The following BAZ1A variants were observed in gnomAD, a reference collection of about 807,000 sequenced individuals.
BAZ1A encodes the protein bromodomain adjacent to zinc finger domain 1A, also known as bromodomain adjacent to zinc finger domain protein 1A.
BAZ1A carries 50 observed loss-of-function variants against 185.2 expected under a neutral mutation model. The ratio of observed to expected loss-of-function variants is 0.27; its 90% confidence interval spans 0.22 to 0.34. The LOEUF is 0.34. Among genes scored for constraint, BAZ1A ranks in the 10% least tolerant of loss-of-function variants. The probability of loss-of-function intolerance (pLI) is 1.00; values close to 1 mark genes in which losing one functional copy is unlikely to be tolerated. For synonymous variants in BAZ1A, 571 were observed against 615.6 expected, an observed-to-expected ratio of 0.93 and a Z score of 1.07; for missense variants, 1,356 against 1,839.9, an observed-to-expected ratio of 0.74 and a Z score of 4.81.
At chr14:34,756,464 C>CTTTTTTTTTTTTT (rs1343693112) in intron 25 of BAZ1A, among the ~76,000 whole-genome samples, 1 of 107,168 alleles carries the variant, frequency 9.3e-6, no homozygotes, top group African/African-American at 3.8e-5. Flanking sequence ...GCCAGAATAC[C>CTTTTTTTTTTTTT]TATTTTTTTT....
At chr14:34,844,334 T>C (rs992854439) in intron 3 of BAZ1A, among the ~76,000 whole-genome samples, 3 of 152,008 alleles carry the variant, frequency 2.0e-5, no homozygotes, top group Non-Finnish European at 2.9e-5. Flanking sequence ...GGTGAAAGAC[T>C]TGTACACTGA....
chr14:34,773,702 A>G lies in BAZ1A; in HGVS notation c.3022T>C (p.Ser1008Pro). The G allele has an allele frequency of 6.2e-7, 1 of 1,613,518 alleles. No homozygotes were observed. Among genetic ancestry groups the G allele is most frequent in the East Asian group, 2.2e-5 (1 of 44,796 alleles). ...IKVTDRHIWR[S>P]ALESGRYELL... Reference sequence around the variant, plus strand: ...TCATACCGTCCACTTTCTAATGCTGATCTCCAGATATGTCGATCTGTAACC... The same window carrying G: ...TCATACCGTCCACTTTCTAATGCTGGTCTCCAGATATGTCGATCTGTAACC... Residue 1008 changes from serine to proline, a missense_variant, in exon 20 of 27, where the codon TCA becomes CCA. Physicochemically the swap from Ser to Pro is moderately conservative, Grantham distance 74 (BLOSUM62 -1). This residue lies in a region of BAZ1A where 434 missense variants were observed against 561.7 expected (regional missense o/e 0.77). Transcript: ENST00000360310.
intron 26 of BAZ1A, among the ~76,000 whole-genome samples, chr14:34,754,458 A>G (rs1886155454): frequency 6.6e-6 from 1 of 151,914 alleles, no homozygotes; most frequent in Non-Finnish European, 1.5e-5. Flanking sequence ...AGAAAGAAAA[A>G]AGATTCTGAA....
chr14:34,849,764 C>T (rs2042569614), intron 3 of BAZ1A, among the ~76,000 whole-genome samples: 1 of 152,172 alleles, frequency 6.6e-6, no homozygotes, highest in Admixed American at 6.6e-5. Flanking sequence ...TTTTTAACTG[C>T]TGCTTATTCC....
At chr14:34,818,190 C>T (rs1044096000) in intron 4 of BAZ1A, among the ~76,000 whole-genome samples, 4 of 152,144 alleles carry the variant, frequency 2.6e-5, no homozygotes, top group Non-Finnish European at 4.4e-5. Flanking sequence ...TGCTACAATA[C>T]GGATGAACCC....
intron 3 of BAZ1A, among the ~76,000 whole-genome samples, chr14:34,847,148 G>T (rs545985579): frequency 6.6e-6 from 1 of 151,968 alleles, no homozygotes; most frequent in Non-Finnish European, 1.5e-5. Context: ...CTATTTGGGA[G>T]GCTGAGGCAC....
At chr14:34,827,569 A>C (rs2042181981) in intron 3 of BAZ1A, among the ~76,000 whole-genome samples, 1 of 151,884 alleles carries the variant, frequency 6.6e-6, no homozygotes, top group South Asian at 2.1e-4. Flanking sequence ...CCCCATCTCT[A>C]CTAAAAATAC....
chr14:34,851,857 G>A (rs2042602090), intron 3 of BAZ1A, among the ~76,000 whole-genome samples: 1 of 152,206 alleles, frequency 6.6e-6, no homozygotes, highest in African/African-American at 2.4e-5. Flanking sequence ...GCCGGGCGTG[G>A]TGGCTCATGC....
intron 4 of BAZ1A, among the ~76,000 whole-genome samples, chr14:34,811,750 T>C (rs2041933291): frequency 1.3e-5 from 2 of 152,212 alleles, no homozygotes; most frequent in African/African-American, 4.8e-5. Context: ...ATTCACTACA[T>C]TTTCTTTGGG....
intron 3 of BAZ1A, among the ~76,000 whole-genome samples, chr14:34,850,067 A>G (rs1445306874): frequency 2.0e-5 from 3 of 152,108 alleles, no homozygotes; most frequent in Non-Finnish European, 1.5e-5. Flanking sequence ...AATAGACATA[A>G]GCTATCCCTG....
At chr14:34,826,185 C>T (rs1014936595) in intron 3 of BAZ1A, 29 bp from the exon 4 acceptor site, 1 of 1,598,536 alleles carries the variant, frequency 6.3e-7, no homozygotes, top group Non-Finnish European at 8.5e-7. Context: ...TTTAAAAATG[C>T]AAATCATTTC....
rs1003176032 is a variant in BAZ1A at position 34,874,867 on chromosome 14, A to C, written c.-58-205T>G. Reference sequence around the variant, plus strand: ...CGCCCCTGCCCCCCGAGCGCGCCCTACCTCCTCTCGTCCTGCCGCCGCCTC... The same window carrying C: ...CGCCCCTGCCCCCCGAGCGCGCCCTCCCTCCTCTCGTCCTGCCGCCGCCTC... On this transcript the variant is annotated intron_variant, in intron 1 of 26. Transcript: ENST00000360310. The surrounding 1 kb of genome is among the most constrained non-coding windows in gnomAD (Gnocchi z 4.7). 1 of 333,566 alleles carries C rather than the reference A, an allele frequency of 3.0e-6. No individual in the cohort carries two copies. Among genetic ancestry groups the C allele is most frequent in the East Asian group, 6.2e-5 (1 of 16,014 alleles). The allele number at this position is 333,566 out of a possible 1,614,324, so 20.7% of individuals were successfully genotyped here. A position where few individuals can be genotyped will look rare whatever the true frequency, so the allele number is the denominator to read the frequency against.
chr14:34,844,759 A>ACT lies in BAZ1A; in HGVS notation c.392+17284_392+17285insAG, dbSNP rs1566593026. Among the ~76,000 whole-genome samples, 316 of 48,784 alleles carry ACT rather than the reference A, an allele frequency of 6.5e-3. 1 individual carries two copies. Among genetic ancestry groups the ACT allele is most frequent in the Non-Finnish European group, 0.015 (271 of 18,204 alleles). The allele number at this position is 48,784 out of a possible 152,430, so 32.0% of individuals were successfully genotyped here. A position where few individuals can be genotyped will look rare whatever the true frequency, so the allele number is the denominator to read the frequency against. ...GGCAACAGAGTGTGACCCTGTCTAAACACACACACACACACGCGCACACAC... is the reference window on the plus strand; with the variant it reads ...GGCAACAGAGTGTGACCCTGTCTAAACTCACACACACACACACGCGCACACAC... On this transcript the variant is annotated intron_variant, in intron 3 of 26. Coordinates refer to ENST00000360310, the MANE Select transcript of BAZ1A (RefSeq NM_013448.3).
intron 4 of BAZ1A, chr14:34,816,885 T>C (rs1338561754): frequency 2.3e-6 from 1 of 426,942 alleles, no homozygotes; most frequent in Non-Finnish European, 4.7e-6. Flanking sequence ...CACAATGTGA[T>C]CTCACCAAAT....
intron 3 of BAZ1A, among the ~76,000 whole-genome samples, chr14:34,857,918 C>A (rs1217720622): frequency 6.6e-6 from 1 of 152,182 alleles, no homozygotes; most frequent in Non-Finnish European, 1.5e-5. Context: ...CCAACCACTT[C>A]CTCCCCTCAC....
intron 17 of BAZ1A, 137 bp downstream of exon 17, chr14:34,780,048 TG>T: frequency 9.3e-7 from 1 of 1,069,812 alleles, no homozygotes; most frequent in Non-Finnish European, 1.4e-6. Flanking sequence ...AGCTATGAGG[TG>T]GGCATTTAAA....
intron 16 of BAZ1A, among the ~76,000 whole-genome samples, chr14:34,781,114 C>A (rs553898162): frequency 2.8e-4 from 43 of 152,154 alleles, no homozygotes; most frequent in Non-Finnish European, 5.3e-4. Flanking sequence ...AAATAAATTA[C>A]ACCATTATGT....
Position 34,773,623 on chromosome 14 carries a change from T to C in BAZ1A, c.3101A>G (p.Asp1034Gly), listed in dbSNP as rs1325919622. Residue 1034 changes from aspartate to glycine, a missense_variant, in exon 20 of 27, where the codon GAC (aspartate) becomes GGC (glycine). Around this residue, in one of 7 missense-constraint regions of BAZ1A, gnomAD observed 434 missense variants for 561.7 expected, o/e 0.77. Transcript: ENST00000360310. The part of the protein sequence containing the change: ...ENGIIKTVNE[D>G]VEEMEIDEQT... The stretch of plus-strand genomic sequence containing the variant: ...TTCATCAATTTCCATCTCTTCTACG[T>C]CTTCATTCACAGTTTTAATTATCCC... 2 of 1,613,198 alleles carry C rather than the reference T, an allele frequency of 1.2e-6. No homozygotes were observed. Among genetic ancestry groups the C allele is most frequent in the Non-Finnish European group, 1.7e-6 (2 of 1,179,462 alleles).
chr14:34,756,817 C>T (rs531967461), intron 25 of BAZ1A, among the ~76,000 whole-genome samples: 44 of 151,990 alleles, frequency 2.9e-4, no homozygotes, highest in Non-Finnish European at 6.0e-4. Flanking sequence ...GGGCCAGGAC[C>T]ATCAGCATCA....
Sources: allele counts gnomAD v4.1 joint callset (sites outside exome capture counted in the v4.1 genomes callset), GRCh38; gene constraint gnomAD v4.1.1; regional missense constraint gnomAD v4.1.1; non-coding constraint Gnocchi (gnomAD v3.1); transcripts MANE v1.5; gene names NCBI Gene and HGNC (gene_info 2026-07-23, HGNC 2026-07-21).